Variants in CDH15 observed in about 807,000 individuals in gnomAD.
CDH15 encodes the protein cadherin 15.
In CDH15, 73 loss-of-function variants were observed where a neutral mutation model predicts 69.4. The observed-to-expected ratio is 1.05, with a 90% CI of 0.87 to 1.28. The LOEUF is 1.28. CDH15 is among the 50% of genes most tolerant of loss of function. The probability of loss-of-function intolerance (pLI) is 0.00; values close to 1 mark genes in which losing one functional copy is unlikely to be tolerated. For missense variants in CDH15, 1,343 were observed against 1,133.6 expected, an observed-to-expected ratio of 1.18 and a Z score of -2.65; for synonymous variants, 624 against 507.7, an observed-to-expected ratio of 1.23 and a Z score of -3.08.
intron 1 of CDH15, among the ~76,000 whole-genome samples, chr16:89,178,356 C>G (rs1015736592): frequency 1.3e-5 from 2 of 152,314 alleles, no homozygotes; most frequent in Admixed American, 1.3e-4. Flanking sequence ...GTGTGCATTA[C>G]AAACAGTGCG....
chr16:89,193,613 G>C lies in CDH15; in HGVS notation c.1992+7G>C, dbSNP rs759795226. 4 of 1,584,102 alleles carry C rather than the reference G, an allele frequency of 2.5e-6. No homozygotes were observed. In the Admixed American group the frequency reaches 5.4e-5, roughly 22 times the overall value. On this transcript the variant is annotated splice_region_variant and intron_variant, in intron 12 of 13. Transcript: ENST00000289746. Reference sequence around the variant, plus strand: ...AGGCGGGGAGGAGGACCAGGTGAGGGGGCAGGTGTGGGTGGGGAGGGGTCC... The same window carrying C: ...AGGCGGGGAGGAGGACCAGGTGAGGCGGCAGGTGTGGGTGGGGAGGGGTCC...
intron 3 of CDH15, chr16:89,183,314 AAGGCAAGC>A (rs1468462633): frequency 1.8e-6 from 1 of 547,046 alleles, no homozygotes; most frequent in Non-Finnish European, 3.3e-6. Flanking sequence ...CCTGGCTGCC[AAGGCAAGC>A]AGGGAAAGTG....
intron 5 of CDH15, among the ~76,000 whole-genome samples, chr16:89,186,511 C>G (rs1405449386): frequency 7.2e-6 from 1 of 139,788 alleles, no homozygotes; most frequent in Non-Finnish European, 1.5e-5. Flanking sequence ...TAAACGCTTA[C>G]CCAGCGCACA....
chr16:89,195,486 T>C lies in CDH15; in HGVS notation c.*331T>C, dbSNP rs950965856. ...TGAATGAAAAACGTGCTAGTCTCTTTCATGCAGGACGGGCGCCCACTGCCA... is the reference window on the plus strand; with the variant it reads ...TGAATGAAAAACGTGCTAGTCTCTTCCATGCAGGACGGGCGCCCACTGCCA... On this transcript the variant is annotated 3_prime_UTR_variant, in exon 14 of 14. Transcript: ENST00000289746. 3.5e-5 allele frequency: 13 copies of C among 372,792 alleles called. No individual in the cohort carries two copies. Among genetic ancestry groups the C allele is most frequent in the Non-Finnish European group, 5.4e-5 (11 of 204,502 alleles). The allele number at this position is 372,792 out of a possible 1,614,324, so 23.1% of individuals were successfully genotyped here. A position where few individuals can be genotyped will look rare whatever the true frequency, so the allele number is the denominator to read the frequency against.
intron 10 of CDH15, 40 bp downstream of exon 10, chr16:89,191,934 C>T: frequency 6.7e-7 from 1 of 1,501,560 alleles, no homozygotes; most frequent in Non-Finnish European, 8.9e-7. Context: ...CATCCCCACG[C>T]TCCCCCCACC....
Position 89,191,807 on chromosome 16 carries a change from C to A in CDH15, c.1528C>A (p.Leu510Met). ...GLLLGATDED[L>M]PPHGAPFHFQ... is the part of the protein sequence containing the mutation. ...CCTCCTGGGCGCCACGGATGAGGAC[C>A]TGCCCCCCCACGGGGCCCCCTTCCA... Residue 510 changes from leucine (L) to methionine (M), a missense_variant, in exon 10 of 14, where the codon CTG becomes ATG. By Grantham distance (15) the Leu-to-Met change is conservative (BLOSUM62 2). Transcript: ENST00000289746. 6.2e-7 allele frequency: 1 copy of A among 1,605,538 alleles called. No individual in the cohort carries two copies. The highest frequency in any genetic ancestry group is 8.5e-7 in the Non-Finnish European group (1 of 1,179,398).
At chr16:89,184,824 C>A (rs1162289786) in intron 4 of CDH15, among the ~76,000 whole-genome samples, 1 of 152,208 alleles carries the variant, frequency 6.6e-6, no homozygotes, top group Non-Finnish European at 1.5e-5. Flanking sequence ...CGCCCTTAGC[C>A]CCTGCACTGG....
rs1375470460 is a variant in CDH15, at chr16:89,171,750, C to G, written c.-82C>G. 2.2e-6 allele frequency: 3 copies of G among 1,388,310 alleles called. No individual in the cohort carries two copies. Among genetic ancestry groups the G allele is most frequent in the Non-Finnish European group, 2.0e-6 (2 of 1,014,848 alleles). The allele number at this position is 1,388,310 out of a possible 1,614,324, so 86.0% of individuals were successfully genotyped here. ...CTCTGTCTCTGGCCCTGGCCCGCCC[C>G]GCGCACTTGCGCTGTCACTCAGCCT... On this transcript the variant is annotated 5_prime_UTR_variant, in exon 1 of 14. Transcript: ENST00000289746.
chr16:89,181,681 T>A (rs1225551344), intron 3 of CDH15, among the ~76,000 whole-genome samples: 1 of 151,518 alleles, frequency 6.6e-6, no homozygotes, highest in East Asian at 1.9e-4. Flanking sequence ...GGCTCACGCC[T>A]GTAATCCCAG....
rs780062251 is a variant in CDH15 at position 89,179,520 on chromosome 16, C to A, written c.147C>A (p.Ile49=). The A allele has an allele frequency of 9.3e-6, 15 of 1,612,082 alleles. No individual in the cohort carries two copies. The highest frequency in any genetic ancestry group is 1.3e-5 in the Non-Finnish European group (15 of 1,179,134). ...GCCGCGTGCGGAGGGCCTGGGTCAT[C>A]CCCCCGATCAGCGTATCCGAGAACC... ...ALSRVRRAWV[I]PPISVSENHK... is the part of the protein sequence containing the mutation. Residue 49 remains isoleucine (I), a synonymous_variant, in exon 2 of 14, where the codon ATC becomes ATA. Transcript: ENST00000289746.
intron 13 of CDH15, among the ~76,000 whole-genome samples, chr16:89,194,532 G>A: frequency 6.6e-6 from 1 of 152,194 alleles, no homozygotes; most frequent in East Asian, 1.9e-4. Context: ...CTCGGGTTCT[G>A]CCTTGAGTGG....
chr16:89,177,652 C>G (rs545671640), intron 1 of CDH15, among the ~76,000 whole-genome samples: 61 of 152,308 alleles, frequency 4.0e-4, no homozygotes, highest in Non-Finnish European at 1.9e-4. Context: ...GCCTCTCCCC[C>G]AGCCCTGGCC....
intron 5 of CDH15, among the ~76,000 whole-genome samples, chr16:89,186,579 G>A (rs1170342522): frequency 3.9e-5 from 4 of 102,512 alleles, no homozygotes; most frequent in South Asian, 3.7e-4. Flanking sequence ...AACACCCAGC[G>A]CACAGTAGGT....
In CDH15 at chr16:89,187,540, G is replaced by C. The variant is rs1432930737; in HGVS notation, c.775G>C (p.Glu259Gln). Residue 259 changes from glutamate to glutamine, a missense_variant, in exon 6 of 14, where the codon GAG becomes CAG. Physicochemically the swap from Glu to Gln is conservative, Grantham distance 29. Coordinates refer to ENST00000289746, the MANE Select transcript of CDH15 (RefSeq NM_004933.3). ...TLDDINDNAP[E>Q]FTRDEFFMEA... is the part of the protein sequence containing the mutation. ...TGATGACATCAATGACAATGCCCCC[G>C]AGTTCACCAGGGATGAGGTGCTGCT... is the stretch of plus-strand genomic sequence containing the variant. 29 of 1,613,596 alleles carry C rather than the reference G, an allele frequency of 1.8e-5. No homozygotes were observed. The highest frequency in any genetic ancestry group is 2.5e-5 in the Non-Finnish European group (29 of 1,180,032).
Position 89,188,141 on chromosome 16 carries a change from G to T in CDH15, c.834G>T (p.Val278=), listed in dbSNP as rs1228107287. ...TAGAGGCCGTCAGCGGAGTGGATGT[G>T]GGACGCCTGGAAGTGGAGGACAGGG... ...EAIEAVSGVD[V]GRLEVEDRDL... Residue 278 remains valine, a synonymous_variant, in exon 7 of 14, where the codon GTG becomes GTT. Coordinates refer to ENST00000289746, the MANE Select transcript of CDH15 (RefSeq NM_004933.3). 2 of 1,613,246 alleles carry T rather than the reference G, an allele frequency of 1.2e-6. No homozygotes were observed. The highest frequency in any genetic ancestry group is 1.7e-6 in the Non-Finnish European group (2 of 1,179,784).
At position 89,191,380 on chromosome 16, in the gene CDH15, C is replaced by G. The variant is rs1825706307; in HGVS notation, c.1283C>G (p.Thr428Ser). 1 of 1,612,820 alleles carries G rather than the reference C, an allele frequency of 6.2e-7. No individual in the cohort carries two copies. Among genetic ancestry groups the G allele is most frequent in the Non-Finnish European group, 8.5e-7 (1 of 1,179,998 alleles). ...GACTGGCTGCAAGTGGACGCAGCCACTGGCCGGATCCAGACCCAGCACGTG... is the reference window on the plus strand; with the variant it reads ...GACTGGCTGCAAGTGGACGCAGCCAGTGGCCGGATCCAGACCCAGCACGTG... ...PEDWLQVDAA[T>S]GRIQTQHVLS... Residue 428 changes from threonine to serine, a missense_variant, in exon 9 of 14, where the codon ACT becomes AGT. Coordinates refer to ENST00000289746, the MANE Select transcript of CDH15 (RefSeq NM_004933.3).
At chr16:89,174,635 G>A (rs1915220995) in intron 1 of CDH15, among the ~76,000 whole-genome samples, 1 of 152,078 alleles carries the variant, frequency 6.6e-6, no homozygotes. Flanking sequence ...TTGGCTGCAG[G>A]GCGGTGGCCC....
At chr16:89,187,691 G>T in intron 6 of CDH15, 134 bp downstream of exon 6, 1 of 1,310,782 alleles carries the variant, frequency 7.6e-7, no homozygotes, top group Non-Finnish European at 1.1e-6. Context: ...CTCCGCGTGG[G>T]CGGGTGGAAG....
At chr16:89,179,207 C>T (rs866141144) in intron 1 of CDH15, among the ~76,000 whole-genome samples, 1 of 152,208 alleles carries the variant, frequency 6.6e-6, no homozygotes, top group South Asian at 2.1e-4. Flanking sequence ...GGCCCTGGCT[C>T]AGTCCGACGG....
Sources: allele counts gnomAD v4.1 joint callset (sites outside exome capture counted in the v4.1 genomes callset), GRCh38; gene constraint gnomAD v4.1.1; transcripts MANE v1.5; gene names NCBI Gene and HGNC (gene_info 2026-07-23, HGNC 2026-07-21).